The following GRIA3 variants were observed in gnomAD, a reference collection of about 807,000 sequenced individuals.
The protein encoded by GRIA3 is glutamate receptor 3.
GRIA3 carries 3 observed loss-of-function variants against 63.0 expected under a neutral mutation model. The observed-to-expected ratio is 0.05, with a 90% CI of 0.02 to 0.12. GRIA3 has a LOEUF of 0.12. GRIA3 is among the 10% of genes least tolerant of loss of function. GRIA3 has a pLI of 1.00. For missense variants in GRIA3, 347 were observed against 700.9 expected (o/e 0.50, Z 5.70); for synonymous variants, 274 against 257.9 (o/e 1.06, Z -0.60).
intron 10 of GRIA3, among the ~76,000 whole-genome samples, chrX:123,411,647 C>T (rs763426639): frequency 1.8e-4 from 20 of 111,122 alleles, no homozygotes; most frequent in Non-Finnish European, 3.4e-4. Flanking sequence ...GCAGTTGCTC[C>T]ATGTTTGCAA....
intron 4 of GRIA3, among the ~76,000 whole-genome samples, chrX:123,354,603 C>T (rs1220200984): frequency 9.0e-6 from 1 of 111,299 alleles, no homozygotes; most frequent in Non-Finnish European, 1.9e-5. Flanking sequence ...GTACAGAAAT[C>T]GAGTTCATGA....
chrX:123,192,541 C>T (rs1927465413), intron 2 of GRIA3, among the ~76,000 whole-genome samples: 1 of 111,929 alleles, frequency 8.9e-6, no homozygotes, highest in Non-Finnish European at 1.9e-5. Context: ...GCCTCCCTCC[C>T]AGTGGAAATA....
Position 123,273,624 on chromosome X carries a change from T to C in GRIA3, c.508+20082T>C, listed in dbSNP as rs766924401. On this transcript the variant is annotated intron_variant, in intron 3 of 15. Transcript: ENST00000620443. ...AATGGTAACCCAAAAGGAAGACTAA[T>C]GGTGACCTATCAGGCATTGTGGCCA... 4.5e-5 allele frequency among the ~76,000 whole-genome samples: 5 copies of C among 111,740 alleles called. No individual in the cohort carries two copies. The South Asian group carries it at 1.9e-3, about 42-fold the overall frequency.
At chrX:123,403,881 C>T (rs2045456838) in intron 9 of GRIA3, among the ~76,000 whole-genome samples, 1 of 110,983 alleles carries the variant, frequency 9.0e-6, no homozygotes, top group African/African-American at 3.3e-5. Flanking sequence ...AAAATTAGGT[C>T]TACCACTAAC....
chrX:123,408,065 G>C (rs1315060000), intron 10 of GRIA3, among the ~76,000 whole-genome samples: 1 of 110,811 alleles, frequency 9.0e-6, no homozygotes, highest in Non-Finnish European at 1.9e-5. Context: ...AGGTTCAAGC[G>C]ATTCTCCTGC....
intron 3 of GRIA3, among the ~76,000 whole-genome samples, chrX:123,323,727 A>T (rs949678570): frequency 8.9e-6 from 1 of 111,856 alleles, no homozygotes; most frequent in Non-Finnish European, 1.9e-5. Flanking sequence ...GAATGGGGTG[A>T]GGGATTAAAC....
intron 4 of GRIA3, among the ~76,000 whole-genome samples, chrX:123,327,253 T>C (rs1326621309): frequency 8.9e-6 from 1 of 112,034 alleles, no homozygotes; most frequent in Non-Finnish European, 1.9e-5. Flanking sequence ...AGCTTGGATA[T>C]TTAAATTTAA....
intron 12 of GRIA3, among the ~76,000 whole-genome samples, chrX:123,441,806 C>T (rs1168540873): frequency 9.4e-5 from 8 of 85,290 alleles, no homozygotes; most frequent in African/African-American, 3.2e-4. Context: ...TGTTTGTATT[C>T]GCCACCTTCC....
intron 2 of GRIA3, among the ~76,000 whole-genome samples, chrX:123,216,472 A>G (rs1014662699): frequency 9.0e-6 from 1 of 111,171 alleles, no homozygotes; most frequent in African/African-American, 3.3e-5. Context: ...ACTACAAGCA[A>G]CTGCTACAGT....
chrX:123,233,800 G>A (rs1395482687), intron 2 of GRIA3, among the ~76,000 whole-genome samples: 3 of 111,566 alleles, frequency 2.7e-5, no homozygotes, highest in Non-Finnish European at 5.7e-5. Context: ...TTCTGCCTGG[G>A]AATTTGATGA....
In GRIA3 at chrX:123,354,930, C is replaced by T. The variant is rs150117117; in HGVS notation, c.717C>T (p.His239=). 1.6e-5 allele frequency: 19 copies of T among 1,196,403 alleles called. No homozygotes were observed. The African/African-American group carries it at 2.6e-4, about 17-fold the overall frequency. The change falls in exon 5 of 16, where the codon CAC becomes CAT. Residue 239 remains histidine, a synonymous_variant. Transcript: ENST00000620443. The stretch of plus-strand genomic sequence containing the variant: ...TGCAGGTTGTGATCCTAGGGAAACA[C>T]TCAAGAGGTTATCACTACATGCTCG... ...ILEQVVILGK[H]SRGYHYMLAN...
chrX:123,282,088 G>C (rs190362354), intron 3 of GRIA3, among the ~76,000 whole-genome samples: 90 of 112,244 alleles, frequency 8.0e-4, no homozygotes, highest in Non-Finnish European at 1.4e-3. Context: ...AAGTCTACAG[G>C]TGGAACTCTG....
chrX:123,394,206 A>G (rs1166100761), intron 5 of GRIA3, among the ~76,000 whole-genome samples: 2 of 111,392 alleles, frequency 1.8e-5, no homozygotes, highest in Admixed American at 9.5e-5. Flanking sequence ...TACCAAAAAT[A>G]CAAAACTTGG....
At position 123,463,616 on chromosome X, in the gene GRIA3, GAAAGAAAGAAAGAAAGAAA is replaced by G. The variant is rs2045810123; in HGVS notation, c.2077-1248_2077-1230del. 6.7e-3 allele frequency among the ~76,000 whole-genome samples: 95 copies of G among 14,142 alleles called. 1 individual carries two copies. In the Middle Eastern group the frequency reaches 0.07, roughly 10 times the overall value. The allele number at this position is 14,142 out of a possible 115,157, so 12.3% of individuals were successfully genotyped here. On this transcript the variant is annotated intron_variant, in intron 12 of 15. Transcript: ENST00000620443. The stretch of plus-strand genomic sequence containing the variant: ...GGAGGGAGGGAGGGAGGGAGGGAAA[GAAAGAAAGAAAGAAAGAAA>G]GAAAGAAAGAAAGAAAGAAAGAAAG...
intron 12 of GRIA3, among the ~76,000 whole-genome samples, chrX:123,430,531 TG>T (rs889116906): frequency 1.8e-5 from 2 of 111,439 alleles, no homozygotes; most frequent in Non-Finnish European, 3.8e-5. Flanking sequence ...TACAGGGTTG[TG>T]GGGCCGGCAG....
intron 4 of GRIA3, among the ~76,000 whole-genome samples, chrX:123,334,439 C>T (rs1246019675): frequency 9.0e-6 from 1 of 110,943 alleles, no homozygotes; most frequent in Non-Finnish European, 1.9e-5. Flanking sequence ...GAAGCAAATC[C>T]CCTCTGGGAA....
chrX:123,407,612 A>G, intron 10 of GRIA3, among the ~76,000 whole-genome samples: 2 of 96,988 alleles, frequency 2.1e-5, no homozygotes, highest in Middle Eastern at 0.012. Flanking sequence ...CTTCACTCCC[A>G]TGACCTAATC....
intron 12 of GRIA3, among the ~76,000 whole-genome samples, chrX:123,447,524 G>A (rs7884690): frequency 0.038 from 4,251 of 111,457 alleles, 196 homozygotes; most frequent in African/African-American, 0.13. Flanking sequence ...GTTTCTGTTC[G>A]ACGGTGGTAA....
chrX:123,341,661 T>C (rs2045009568), intron 4 of GRIA3, among the ~76,000 whole-genome samples: 1 of 112,614 alleles, frequency 8.9e-6, no homozygotes, highest in African/African-American at 3.2e-5. Context: ...TGTTCAGTTC[T>C]GTGGGTGCAT....
Sources: gnomAD v4.1 joint callset for allele counts (sites outside exome capture counted in the v4.1 genomes callset) on GRCh38, gnomAD v4.1.1 for gene constraint, MANE v1.5 for transcripts, NCBI Gene and HGNC (gene_info 2026-07-23, HGNC 2026-07-21) for gene names.